The following PHF14 variants were observed in gnomAD, a reference collection of about 807,000 sequenced individuals.
PHF14 encodes PHD finger protein 14.
In PHF14, 55 loss-of-function variants were observed where a neutral mutation model predicts 117.9. The observed-to-expected ratio is 0.47, with a 90% CI of 0.38 to 0.58. The LOEUF (loss-of-function observed/expected upper bound fraction) is 0.58, where lower values mean the gene tolerates loss of function less well. Among genes scored for constraint, PHF14 ranks in the 20% least tolerant of loss-of-function variants. The probability of loss-of-function intolerance (pLI) is 0.00; values close to 1 mark genes in which losing one functional copy is unlikely to be tolerated. For synonymous variants in PHF14, 409 were observed against 368.6 expected, an observed-to-expected ratio of 1.11 and a Z score of -1.26; for missense variants, 978 against 1,122.2, an observed-to-expected ratio of 0.87 and a Z score of 1.84.
chr7:11,142,676 T>C (rs1030220665), intron 17 of PHF14, among the ~76,000 whole-genome samples: 1 of 152,046 alleles, frequency 6.6e-6, no homozygotes, highest in Non-Finnish European at 1.5e-5. Flanking sequence ...TCCTGTTAGG[T>C]TTCATAGGGG....
chr7:11,152,180 A>G (rs1284601194), intron 17 of PHF14, among the ~76,000 whole-genome samples: 1 of 152,156 alleles, frequency 6.6e-6, no homozygotes, highest in Non-Finnish European at 1.5e-5. Context: ...CCATTGAGCA[A>G]AAATTGGATT....
At chr7:11,169,349 C>A in intron 17 of PHF14, 67 bp from the exon 18 acceptor site, 1 of 694,380 alleles carries the variant, frequency 1.4e-6, no homozygotes. Flanking sequence ...CAGTTAAAAT[C>A]TGTCAAGTAT....
chr7:11,062,572 G>T (rs551552994), intron 16 of PHF14: 14 of 395,348 alleles, frequency 3.5e-5, no homozygotes, highest in Admixed American at 6.4e-5. Flanking sequence ...TCTCCCTTAC[G>T]AAATAAAGAA....
intron 2 of PHF14, among the ~76,000 whole-genome samples, chr7:10,980,028 A>G (rs1781999347): frequency 6.6e-6 from 1 of 152,168 alleles, no homozygotes; most frequent in Non-Finnish European, 1.5e-5. Context: ...AACAGAATCA[A>G]GGAGTCTCAA....
At chr7:11,129,069 C>G (rs996609096) in intron 17 of PHF14, among the ~76,000 whole-genome samples, 1 of 152,026 alleles carries the variant, frequency 6.6e-6, no homozygotes, top group African/African-American at 2.4e-5. Flanking sequence ...AGCAAGGAAC[C>G]TGGATGTTGC....
chr7:10,996,851 G>A (rs1583344382), intron 4 of PHF14, among the ~76,000 whole-genome samples: 2 of 152,148 alleles, frequency 1.3e-5, no homozygotes, highest in Non-Finnish European at 2.9e-5. Context: ...CCAAAGATAG[G>A]CACACTCTCA....
intron 4 of PHF14, among the ~76,000 whole-genome samples, chr7:10,997,416 GT>G (rs1427535930): frequency 1.3e-5 from 2 of 152,106 alleles, no homozygotes; most frequent in Non-Finnish European, 2.9e-5. Context: ...TTGAGGGAGG[GT>G]TTTTTTCTTT....
At chr7:11,164,970 G>T (rs1390264027) in intron 17 of PHF14, among the ~76,000 whole-genome samples, 1 of 152,136 alleles carries the variant, frequency 6.6e-6, no homozygotes, top group Non-Finnish European at 1.5e-5. Flanking sequence ...AATTGCCCAG[G>T]CTGCAGTGCA....
chr7:11,084,643 G>A (rs1786309293), intron 16 of PHF14, among the ~76,000 whole-genome samples: 1 of 151,758 alleles, frequency 6.6e-6, no homozygotes, highest in Non-Finnish European at 1.5e-5. Flanking sequence ...ATTTTTTCCT[G>A]TTTAATTTCT....
intron 14 of PHF14, among the ~76,000 whole-genome samples, chr7:11,054,116 C>CT (rs549363007): frequency 2.7e-5 from 4 of 150,766 alleles, no homozygotes; most frequent in South Asian, 2.1e-4. Flanking sequence ...TTTTAAGACA[C>CT]TTTTTTTTTG....
At chr7:10,987,931 G>A (rs1241893149) in intron 3 of PHF14, among the ~76,000 whole-genome samples, 4 of 147,896 alleles carry the variant, frequency 2.7e-5, no homozygotes, top group Non-Finnish European at 4.4e-5. Flanking sequence ...CAGGAGAATC[G>A]CTTGAACCCG....
chr7:10,992,526 G>T (rs536222648), intron 4 of PHF14, among the ~76,000 whole-genome samples: 1 of 152,014 alleles, frequency 6.6e-6, no homozygotes, highest in East Asian at 2.0e-4. Context: ...AGCCGGGCGT[G>T]GTGGCTTATA....
intron 16 of PHF14, among the ~76,000 whole-genome samples, chr7:11,067,566 C>A (rs1785465338): frequency 6.6e-6 from 1 of 152,162 alleles, no homozygotes; most frequent in African/African-American, 2.4e-5. Context: ...CCAAGTTCCA[C>A]TGATGGATTA....
intron 2 of PHF14, among the ~76,000 whole-genome samples, chr7:10,978,497 A>G (rs992977891): frequency 2.0e-4 from 31 of 152,164 alleles, no homozygotes; most frequent in African/African-American, 7.5e-4. Context: ...GAGACTTGGA[A>G]TTGTTTTTTT....
At chr7:11,148,001 T>G (rs1788596402) in intron 17 of PHF14, among the ~76,000 whole-genome samples, 1 of 152,222 alleles carries the variant, frequency 6.6e-6, no homozygotes, top group African/African-American at 2.4e-5. Flanking sequence ...AGTCTCATCA[T>G]TTTTGACAAC....
Position 11,051,739 on chromosome 7 carries a change from G to C in PHF14, c.2440G>C (p.Asp814His). Residue 814 changes from aspartate (D) to histidine (H), a missense_variant, in exon 14 of 18, where the codon GAT becomes CAT. This residue lies in a region of PHF14 where 180 missense variants were observed against 195.4 expected (regional missense o/e 0.92). Transcript: ENST00000634607. Reference sequence around the variant, plus strand: ...GGAACCAGTGAAATTTGTTCCACAGGATGTGCCACCAGAACCCAAGAAGAT... The same window carrying C: ...GGAACCAGTGAAATTTGTTCCACAGCATGTGCCACCAGAACCCAAGAAGAT... ...IKEPVKFVPQ[D>H]VPPEPKKIPI... 1 of 1,613,580 alleles carries C rather than the reference G, an allele frequency of 6.2e-7. No homozygotes were observed.
chr7:11,143,137 A>G (rs1351609104), intron 17 of PHF14, among the ~76,000 whole-genome samples: 5 of 152,194 alleles, frequency 3.3e-5, no homozygotes, highest in African/African-American at 9.6e-5. Context: ...TTTTTCAACA[A>G]TGGAAAAACA....
chr7:11,008,824 A>G (rs989526201), intron 4 of PHF14, among the ~76,000 whole-genome samples: 10 of 152,034 alleles, frequency 6.6e-5, no homozygotes, highest in African/African-American at 1.2e-4. Context: ...TCACGAGGTC[A>G]GGAGATCGAG....
At chr7:11,081,056 T>C (rs1254629516) in intron 16 of PHF14, among the ~76,000 whole-genome samples, 5 of 152,136 alleles carry the variant, frequency 3.3e-5, no homozygotes, top group Admixed American at 3.3e-4. Flanking sequence ...TAAATATATA[T>C]GTATATATGT....
Sources: gnomAD v4.1 joint callset for allele counts (sites outside exome capture counted in the v4.1 genomes callset) on GRCh38, gnomAD v4.1.1 for gene constraint, gnomAD v4.1.1 regional missense constraint, MANE v1.5 for transcripts, NCBI Gene and HGNC (gene_info 2026-07-23, HGNC 2026-07-21) for gene names.